The following EVI5 variants were observed in gnomAD, a reference collection of about 807,000 sequenced individuals.
EVI5 encodes ecotropic viral integration site 5.
EVI5 carries 73 observed loss-of-function variants against 112.0 expected under a neutral mutation model. The observed-to-expected ratio is 0.65, with a 90% CI of 0.54 to 0.79. The LOEUF (loss-of-function observed/expected upper bound fraction) is 0.79, where lower values mean the gene tolerates loss of function less well. EVI5 is among the 30% of genes least tolerant of loss of function. The pLI, the probability that EVI5 is intolerant of heterozygous loss-of-function variation, is 0.00. For synonymous variants in EVI5, 305 were observed against 319.9 expected, an observed-to-expected ratio of 0.95 and a Z score of 0.50; for missense variants, 900 against 968.8, an observed-to-expected ratio of 0.93 and a Z score of 0.94.
At chr1:92,749,472 T>C (rs561644208) in intron 1 of EVI5, 1 of 154,446 alleles carries the variant, frequency 6.5e-6, no homozygotes, top group Admixed American at 6.5e-5. Context: ...TACTATTTAA[T>C]TTTCCAACAG....
chr1:92,703,360 C>T, intron 4 of EVI5, 35 bp downstream of exon 4: 5 of 1,229,806 alleles, frequency 4.1e-6, no homozygotes, highest in Non-Finnish European at 5.8e-6. Context: ...TCCAGGAATT[C>T]ATTTCATTTC....
At chr1:92,719,352 C>A (rs1323450825) in intron 2 of EVI5, among the ~76,000 whole-genome samples, 4 of 151,932 alleles carry the variant, frequency 2.6e-5, no homozygotes, top group Admixed American at 1.3e-4. Flanking sequence ...TCCACTATGA[C>A]AAAGTGGCCT....
At chr1:92,734,186 A>G (rs1467982260) in intron 2 of EVI5, among the ~76,000 whole-genome samples, 1 of 152,204 alleles carries the variant, frequency 6.6e-6, no homozygotes, top group Non-Finnish European at 1.5e-5. Flanking sequence ...TGTTAGGCCT[A>G]GGATGAGAGA....
rs191735212 is a variant in EVI5 at position 92,677,087 on chromosome 1, A to C, written c.1158+71T>G. On this transcript the variant is annotated intron_variant, in intron 10 of 19. Transcript: ENST00000684568. The stretch of plus-strand genomic sequence containing the variant: ...TACATTTATGAATATAAGAAGTACA[A>C]ACTTTAAACATCTACTGTCCAATAA... 1.3e-4 allele frequency: 118 copies of C among 924,340 alleles called. 1 individual carries two copies. In the African/African-American group the frequency reaches 1.9e-3, roughly 15 times the overall value. 57.3% of individuals were successfully genotyped at this position (924,340 alleles called of 1,614,324 possible). A position where few individuals can be genotyped will look rare whatever the true frequency, so the allele number is the denominator to read the frequency against.
intron 1 of EVI5, among the ~76,000 whole-genome samples, chr1:92,738,108 C>T (rs1296081359): frequency 6.6e-6 from 1 of 152,150 alleles, no homozygotes; most frequent in African/African-American, 2.4e-5. Context: ...TTCCTGTCAA[C>T]TCATAGATGA....
chr1:92,750,970 A>T (rs1401301119), intron 1 of EVI5, among the ~76,000 whole-genome samples: 1 of 152,026 alleles, frequency 6.6e-6, no homozygotes, highest in Non-Finnish European at 1.5e-5. Flanking sequence ...CTAACACGGT[A>T]AAACCCCGTT....
At chr1:92,588,545 C>G (rs190237033) in intron 18 of EVI5, among the ~76,000 whole-genome samples, 2 of 152,308 alleles carry the variant, frequency 1.3e-5, no homozygotes, top group Admixed American at 1.3e-4. Flanking sequence ...ATCCCTAATA[C>G]CAATATCTTC....
chr1:92,679,242 C>CA (rs1205667004), intron 9 of EVI5, among the ~76,000 whole-genome samples: 1 of 152,292 alleles, frequency 6.6e-6, no homozygotes, highest in East Asian at 1.9e-4. Flanking sequence ...GCCATACCCC[C>CA]AGCCCCCATA....
chr1:92,574,105 T>G (rs888007505), intron 18 of EVI5, among the ~76,000 whole-genome samples: 1 of 152,108 alleles, frequency 6.6e-6, no homozygotes, highest in African/African-American at 2.4e-5. Context: ...GAGCAGTAAT[T>G]CTGGTGTTTG....
Position 92,511,960 on chromosome 1 carries a change from C to A in EVI5, c.*1696G>T, listed in dbSNP as rs985010281. Reference sequence around the variant, plus strand: ...TACTGTGCAAAACTGTGCCTCCATACATACTGAATTCTACTTTTCTCTTCC... The same window carrying A: ...TACTGTGCAAAACTGTGCCTCCATAAATACTGAATTCTACTTTTCTCTTCC... On this transcript the variant is annotated 3_prime_UTR_variant, in exon 20 of 20. Coordinates refer to ENST00000684568, the MANE Select transcript of EVI5 (RefSeq NM_001350197.2). 6.6e-6 allele frequency: 1 copy of A among 152,234 alleles called. No individual in the cohort carries two copies. Among genetic ancestry groups the A allele is most frequent in the Non-Finnish European group, 1.5e-5 (1 of 67,984 alleles). The allele number at this position is 152,234 out of a possible 1,614,324, so 9.4% of individuals were successfully genotyped here.
At chr1:92,541,958 T>C (rs1273772683) in intron 19 of EVI5, among the ~76,000 whole-genome samples, 1 of 152,218 alleles carries the variant, frequency 6.6e-6, no homozygotes, top group African/African-American at 2.4e-5. Context: ...GGTCTTGCCT[T>C]GATGCTGGTG....
At chr1:92,558,359 A>G (rs937803101) in intron 19 of EVI5, among the ~76,000 whole-genome samples, 2 of 152,204 alleles carry the variant, frequency 1.3e-5, no homozygotes, top group Non-Finnish European at 2.9e-5. Flanking sequence ...CCTATCTGAT[A>G]TCTTCATTTG....
chr1:92,509,578 A>C lies in EVI5; in HGVS notation c.*4078T>G, dbSNP rs1196747252. The C allele has an allele frequency of 6.6e-6, 1 of 151,550 alleles. No homozygotes were observed. The highest frequency in any genetic ancestry group is 1.5e-5 in the Non-Finnish European group (1 of 68,026). The allele number at this position is 151,550 out of a possible 1,614,324, so 9.4% of individuals were successfully genotyped here. A position where few individuals can be genotyped will look rare whatever the true frequency, so the allele number is the denominator to read the frequency against. Reference sequence around the variant, plus strand: ...TTATTCTTTCACAGGTGTGATCATTACACACTACAGCCCCAAACTCCTGTA... The same window carrying C: ...TTATTCTTTCACAGGTGTGATCATTCCACACTACAGCCCCAAACTCCTGTA... On this transcript the variant is annotated 3_prime_UTR_variant, in exon 20 of 20. Transcript: ENST00000684568.
intron 2 of EVI5, among the ~76,000 whole-genome samples, chr1:92,719,692 G>A (rs140277826): frequency 0.029 from 4,419 of 152,006 alleles, 241 homozygotes; most frequent in African/African-American, 0.092. Flanking sequence ...GGAAGTTCTC[G>A]CCAGGGTAAT....
chr1:92,723,397 T>C (rs182859419), intron 2 of EVI5, among the ~76,000 whole-genome samples: 59 of 152,324 alleles, frequency 3.9e-4, no homozygotes, highest in Non-Finnish European at 6.9e-4. Flanking sequence ...AGAAGATAAA[T>C]TGTGAAGATT....
chr1:92,602,712 A>G (rs1241370543), intron 18 of EVI5, among the ~76,000 whole-genome samples: 1 of 152,186 alleles, frequency 6.6e-6, no homozygotes, highest in Non-Finnish European at 1.5e-5. Context: ...CTGTAAAAAC[A>G]TATTTATTTT....
At chr1:92,553,297 ATTTTTT>A (rs147973775) in intron 19 of EVI5, among the ~76,000 whole-genome samples, 30 of 74,216 alleles carry the variant, frequency 4.0e-4, no homozygotes, top group Admixed American at 1.9e-3. Context: ...CACCTGGCCA[ATTTTTT>A]TTTTTTTTTT....
At chr1:92,576,344 T>TA (rs1242648159) in intron 18 of EVI5, among the ~76,000 whole-genome samples, 1 of 152,208 alleles carries the variant, frequency 6.6e-6, no homozygotes, top group African/African-American at 2.4e-5. Context: ...TGCCTTATGT[T>TA]AAACACAAGT....
chr1:92,623,990 A>G (rs1390504339), intron 16 of EVI5, among the ~76,000 whole-genome samples, 186 bp downstream of exon 16: 1 of 152,230 alleles, frequency 6.6e-6, no homozygotes, highest in African/African-American at 2.4e-5. Flanking sequence ...AATGGGTCAA[A>G]GAAGGATTAA....
Sources: gnomAD v4.1 joint callset for allele counts (sites outside exome capture counted in the v4.1 genomes callset) on GRCh38, gnomAD v4.1.1 for gene constraint, MANE v1.5 for transcripts, NCBI Gene and HGNC (gene_info 2026-07-23, HGNC 2026-07-21) for gene names.